AGBL4: variants seen among roughly 807,000 people sequenced by gnomAD.
AGBL4 encodes the protein cytosolic carboxypeptidase 6.
In AGBL4, 58 loss-of-function variants were observed where a neutral mutation model predicts 66.4. The ratio of observed to expected loss-of-function variants is 0.87; its 90% CI spans 0.71 to 1.09. The LOEUF is 1.09. Among genes scored for constraint, AGBL4 ranks in the 50% least tolerant of loss-of-function variants. The pLI is 0.00. For missense variants in AGBL4, 579 were observed against 631.0 expected, an observed-to-expected ratio of 0.92 and a Z score of 0.88; for synonymous variants, 234 against 222.9, an observed-to-expected ratio of 1.05 and a Z score of -0.44.
intron 1 of AGBL4, among the ~76,000 whole-genome samples, chr1:49,907,818 G>A (rs886850754): frequency 1.3e-5 from 2 of 152,096 alleles, no homozygotes; most frequent in South Asian, 2.1e-4. Context: ...TGATAATAAT[G>A]TGTCAATGTA....
intron 11 of AGBL4, among the ~76,000 whole-genome samples, chr1:48,562,868 C>G (rs1231495952): frequency 6.6e-6 from 1 of 152,156 alleles, no homozygotes; most frequent in Admixed American, 6.5e-5. Flanking sequence ...GTGCCAGGTA[C>G]CATGCTAGAC....
chr1:49,596,354 A>G (rs1644853909), intron 3 of AGBL4, among the ~76,000 whole-genome samples: 2 of 152,104 alleles, frequency 1.3e-5, no homozygotes, highest in Non-Finnish European at 2.9e-5. Flanking sequence ...ATTTTTTGGT[A>G]GAGACAGGGT....
chr1:49,371,806 C>A (rs968181771), intron 3 of AGBL4, among the ~76,000 whole-genome samples: 2 of 142,794 alleles, frequency 1.4e-5, no homozygotes, highest in African/African-American at 2.6e-5. Context: ...GAGCCAGTGA[C>A]TTTTCAAACT....
At chr1:48,824,116 T>G (rs7550783) in intron 6 of AGBL4, among the ~76,000 whole-genome samples, 148,568 of 152,116 alleles carry the variant, frequency 0.98, 72,636 homozygotes, top group East Asian at 1. Context: ...CTTCCTTCTT[T>G]TCCTCTGTTT....
intron 1 of AGBL4, among the ~76,000 whole-genome samples, chr1:49,927,711 C>T (rs1652929351): frequency 1.3e-5 from 2 of 151,406 alleles, no homozygotes; most frequent in African/African-American, 4.9e-5. Context: ...GAATGAAGCA[C>T]ATCTACGAGA....
intron 6 of AGBL4, among the ~76,000 whole-genome samples, chr1:48,780,982 T>C (rs557854451): frequency 6.6e-6 from 1 of 152,334 alleles, no homozygotes; most frequent in South Asian, 2.1e-4. Flanking sequence ...TTTTAAGGGT[T>C]GATGCTGAAT....
intron 3 of AGBL4, among the ~76,000 whole-genome samples, chr1:49,444,965 T>C (rs186673537): frequency 1.3e-5 from 2 of 152,056 alleles, no homozygotes; most frequent in East Asian, 3.9e-4. Flanking sequence ...CTTTTTTTAC[T>C]TTGATGTGTT....
chr1:49,313,461 C>G (rs1644979206), intron 3 of AGBL4, among the ~76,000 whole-genome samples: 1 of 152,102 alleles, frequency 6.6e-6, no homozygotes, highest in African/African-American at 2.4e-5. Context: ...CTGTCTTTCA[C>G]AATGGTTGAA....
intron 4 of AGBL4, among the ~76,000 whole-genome samples, chr1:49,159,894 C>T (rs1557689202): frequency 6.6e-6 from 1 of 152,228 alleles, no homozygotes; most frequent in Admixed American, 6.5e-5. Context: ...AGTTATCATG[C>T]TGTGTTTTTC....
chr1:49,116,381 C>T (rs1031002089), intron 4 of AGBL4, among the ~76,000 whole-genome samples: 10 of 152,154 alleles, frequency 6.6e-5, no homozygotes, highest in Non-Finnish European at 1.2e-4. Context: ...ATCCCCACCC[C>T]GCCAACAGGC....
intron 1 of AGBL4, among the ~76,000 whole-genome samples, chr1:49,954,475 C>T (rs969766340): frequency 1.3e-5 from 2 of 151,972 alleles, no homozygotes; most frequent in African/African-American, 4.8e-5. Context: ...CTTGCCCTTC[C>T]ACCTTCTGCC....
intron 3 of AGBL4, among the ~76,000 whole-genome samples, chr1:49,465,077 T>C (rs1415985): frequency 0.42 from 64,269 of 151,456 alleles, 16,293 homozygotes; most frequent in Non-Finnish European, 0.57. Context: ...CCAAACAAAG[T>C]AGAATGTCAG....
chr1:49,321,036 C>G (rs1471709651), intron 3 of AGBL4, among the ~76,000 whole-genome samples: 1 of 152,104 alleles, frequency 6.6e-6, no homozygotes, highest in Non-Finnish European at 1.5e-5. Context: ...CAAGGTCACT[C>G]CCTCAACATG....
chr1:48,551,141 G>T (rs78452239), intron 11 of AGBL4, among the ~76,000 whole-genome samples: 98 of 152,236 alleles, frequency 6.4e-4, no homozygotes, highest in African/African-American at 2.2e-3. Context: ...TAAATTCTCA[G>T]ATCTGGCTTT....
intron 3 of AGBL4, among the ~76,000 whole-genome samples, chr1:49,554,911 C>T (rs1055437430): frequency 3.9e-5 from 6 of 152,074 alleles, no homozygotes; most frequent in African/African-American, 4.8e-5. Context: ...TTCGTGGTCT[C>T]GCTGGCCTCA....
At chr1:48,905,916 C>T (rs74672282) in intron 5 of AGBL4, among the ~76,000 whole-genome samples, 195 of 152,280 alleles carry the variant, frequency 1.3e-3, no homozygotes, top group African/African-American at 4.6e-3. Context: ...ATGTGCCAGA[C>T]TCTTACAGGA....
At chr1:48,590,069 G>A (rs747079894) in intron 10 of AGBL4, among the ~76,000 whole-genome samples, 59 of 152,230 alleles carry the variant, frequency 3.9e-4, no homozygotes, top group Admixed American at 7.2e-4. Flanking sequence ...GCAACATAGC[G>A]AGACCCTGTC....
At chr1:48,812,757 A>G (rs1570731311) in intron 6 of AGBL4, among the ~76,000 whole-genome samples, 1 of 152,148 alleles carries the variant, frequency 6.6e-6, no homozygotes. Context: ...TGGCACATAT[A>G]CACCATGGAA....
intron 3 of AGBL4, among the ~76,000 whole-genome samples, chr1:49,262,633 G>C (rs938408480): frequency 6.0e-5 from 8 of 132,370 alleles, no homozygotes; most frequent in South Asian, 2.8e-4. Context: ...TTAGAATGGC[G>C]ATCATTAAAA....
Sources: allele counts gnomAD v4.1 joint callset (sites outside exome capture counted in the v4.1 genomes callset), GRCh38; gene constraint gnomAD v4.1.1; transcripts MANE v1.5; gene names NCBI Gene and HGNC (gene_info 2026-07-23, HGNC 2026-07-21).